The following FHIP1A variants were observed in gnomAD, a reference collection of about 807,000 sequenced individuals.
FHIP1A encodes FHF complex subunit HOOK-interacting protein 1A.
Under a neutral mutation model 88.6 loss-of-function variants are expected in FHIP1A, and 61 were observed. The observed-to-expected ratio is 0.69, with a 90% CI of 0.56 to 0.85. The LOEUF is 0.85. Among genes scored for constraint, FHIP1A ranks in the 40% least tolerant of loss-of-function variants. FHIP1A has a pLI of 0.00. For missense variants in FHIP1A, 1,154 were observed against 1,273.5 expected, an observed-to-expected ratio of 0.91 and a Z score of 1.43; for synonymous variants, 478 against 496.0, an observed-to-expected ratio of 0.96 and a Z score of 0.48.
chr4:151,493,952 T>C (rs1730373930), intron 3 of FHIP1A, among the ~76,000 whole-genome samples: 1 of 152,140 alleles, frequency 6.6e-6, no homozygotes, highest in South Asian at 2.1e-4. Context: ...CTATTCAACA[T>C]AGTACTGAAA....
At chr4:151,493,252 A>T (rs1730347480) in intron 3 of FHIP1A, among the ~76,000 whole-genome samples, 1 of 152,196 alleles carries the variant, frequency 6.6e-6, no homozygotes, top group South Asian at 2.1e-4. Flanking sequence ...TCCTGGACAT[A>T]TGCAACCCTC....
chr4:151,464,467 G>A (rs1381083498), intron 2 of FHIP1A, among the ~76,000 whole-genome samples: 2 of 152,202 alleles, frequency 1.3e-5, no homozygotes, highest in African/African-American at 4.8e-5. Context: ...GTATCTGGGG[G>A]CTCTGTGGAC....
At chr4:151,546,884 T>C (rs1409992620) in intron 3 of FHIP1A, among the ~76,000 whole-genome samples, 2 of 152,212 alleles carry the variant, frequency 1.3e-5, no homozygotes, top group Non-Finnish European at 2.9e-5. Flanking sequence ...TCAGGTGGGC[T>C]GGCCTCAAGA....
chr4:151,452,664 C>T (rs536793985), intron 1 of FHIP1A, among the ~76,000 whole-genome samples: 2 of 151,804 alleles, frequency 1.3e-5, no homozygotes, highest in Non-Finnish European at 2.9e-5. Flanking sequence ...GTAGTCCCAG[C>T]TACTTGGGAA....
chr4:151,525,902 C>CG (rs1560748291), intron 3 of FHIP1A, among the ~76,000 whole-genome samples: 1 of 151,882 alleles, frequency 6.6e-6, no homozygotes, highest in Non-Finnish European at 1.5e-5. Context: ...GAGGACCCTG[C>CG]GGCCTTCCGC....
In FHIP1A at chr4:151,656,512, T is replaced by A; in HGVS notation, c.2730+102T>A. The A allele has an allele frequency of 1.6e-6, 2 of 1,240,786 alleles. No individual in the cohort carries two copies. The highest frequency in any genetic ancestry group is 2.2e-6 in the Non-Finnish European group (2 of 895,606). The allele number at this position is 1,240,786 out of a possible 1,614,324, so 76.9% of individuals were successfully genotyped here. On this transcript the variant is annotated intron_variant, in intron 12 of 13. Transcript: ENST00000435205. The surrounding 1 kb of genome is among the most constrained non-coding windows in gnomAD (Gnocchi z 4.2). ...TTGTTTTTCAAAAATTCCTTTGCTC[T>A]AATTCATTTGCTTTCCTTCCCTGTC...
chr4:151,632,324 C>T (rs770708085), intron 8 of FHIP1A, among the ~76,000 whole-genome samples: 11 of 151,054 alleles, frequency 7.3e-5, no homozygotes, highest in African/African-American at 1.2e-4. Flanking sequence ...CATCAGAGTC[C>T]CCAAATATAT....
chr4:151,480,076 A>G (rs1393228902), intron 2 of FHIP1A, among the ~76,000 whole-genome samples: 1 of 152,050 alleles, frequency 6.6e-6, no homozygotes, highest in Non-Finnish European at 1.5e-5. Context: ...TTTAAATGAG[A>G]TGACAACCAA....
At chr4:151,459,324 T>C (rs571931526) in intron 2 of FHIP1A, among the ~76,000 whole-genome samples, 9 of 152,156 alleles carry the variant, frequency 5.9e-5, no homozygotes, top group Non-Finnish European at 1.3e-4. Context: ...CTAAAGACTT[T>C]TAAATAGATA....
At position 151,666,708 on chromosome 4, in the gene FHIP1A, G is replaced by A. The variant is rs1345506854; in HGVS notation, c.*3954G>A. 6.6e-6 allele frequency among the ~76,000 whole-genome samples: 1 copy of A among 152,172 alleles called. No homozygotes were observed. Among genetic ancestry groups the A allele is most frequent in the Non-Finnish European group, 1.5e-5 (1 of 68,030 alleles). ...ATTCCCAGGTCTGTTTGAGGTTTAG[G>A]GTTGTGGATGGGCTGCTCTTCTGAA... On this transcript the variant is annotated 3_prime_UTR_variant, in exon 14 of 14. Transcript: ENST00000435205.
chr4:151,538,111 G>A (rs1361671860), intron 3 of FHIP1A, among the ~76,000 whole-genome samples: 3 of 152,138 alleles, frequency 2.0e-5, no homozygotes. Flanking sequence ...TGTTGAGAAC[G>A]TTCCCTTAGA....
chr4:151,482,794 G>A (rs528874801), intron 3 of FHIP1A, 146 bp downstream of exon 3: 1 of 151,948 alleles, frequency 6.6e-6, no homozygotes, highest in South Asian at 2.1e-4. Context: ...GGGAGAGGCT[G>A]TACTCTATCC....
chr4:151,562,529 A>C (rs1379897065), intron 3 of FHIP1A, among the ~76,000 whole-genome samples: 2 of 152,150 alleles, frequency 1.3e-5, no homozygotes, highest in Non-Finnish European at 2.9e-5. Context: ...TTTTCCTTCA[A>C]TAAAAATGTT....
At chr4:151,455,710 T>G (rs1728943789) in intron 2 of FHIP1A, among the ~76,000 whole-genome samples, 1 of 152,344 alleles carries the variant, frequency 6.6e-6, no homozygotes, top group African/African-American at 2.4e-5. Flanking sequence ...CATTTCAGTC[T>G]TTGTTATTAC....
intron 2 of FHIP1A, among the ~76,000 whole-genome samples, chr4:151,465,639 A>G (rs1729283450): frequency 6.6e-6 from 1 of 152,252 alleles, no homozygotes; most frequent in African/African-American, 2.4e-5. Flanking sequence ...ATACTGGCAA[A>G]CCAAATCCAG....
chr4:151,545,922 A>G (rs1351602644), intron 3 of FHIP1A, among the ~76,000 whole-genome samples: 1 of 152,182 alleles, frequency 6.6e-6, no homozygotes, highest in South Asian at 2.1e-4. Flanking sequence ...AATATTTCTT[A>G]AGGGCCCATG....
intron 3 of FHIP1A, among the ~76,000 whole-genome samples, chr4:151,559,024 G>C (rs1416832268): frequency 6.6e-6 from 1 of 152,138 alleles, no homozygotes; most frequent in African/African-American, 2.4e-5. Context: ...TCCATTGGAA[G>C]TTAACAACTC....
intron 3 of FHIP1A, among the ~76,000 whole-genome samples, chr4:151,550,252 C>T (rs1248170237): frequency 6.6e-6 from 1 of 152,110 alleles, no homozygotes; most frequent in Non-Finnish European, 1.5e-5. Flanking sequence ...TCCAATTGTA[C>T]TCTGATTTTA....
In FHIP1A at chr4:151,649,476, T is replaced by C; in HGVS notation, c.1435T>C (p.Phe479Leu). The change falls in exon 11 of 14, where the codon TTC becomes CTC. Residue 479 changes from phenylalanine to leucine, a missense_variant. Coordinates refer to ENST00000435205, the MANE Select transcript of FHIP1A (RefSeq NM_001109977.3). ...CTGTGCAGGGCCTGTGGAGCGGCCA[T>C]TCCCCGAAGCGTTCTCCGAGTCAGC... ...HDTSGPVERP[F>L]PEAFSESACI... The C allele has an allele frequency of 6.5e-7, 1 of 1,549,850 alleles. No individual in the cohort carries two copies. Among genetic ancestry groups the C allele is most frequent in the Non-Finnish European group, 8.7e-7 (1 of 1,146,084 alleles).
Sources: gnomAD v4.1 joint callset for allele counts (sites outside exome capture counted in the v4.1 genomes callset) on GRCh38, gnomAD v4.1.1 for gene constraint, Gnocchi (gnomAD v3.1) non-coding constraint, MANE v1.5 for transcripts, NCBI Gene and HGNC (gene_info 2026-07-23, HGNC 2026-07-21) for gene names.